The following MYMK variants were observed in gnomAD, a reference collection of about 807,000 sequenced individuals.
MYMK encodes the protein myomaker, myoblast fusion factor.
Under a neutral mutation model 22.4 loss-of-function variants are expected in MYMK, and 16 were observed. The observed-to-expected ratio is 0.72, with a 90% CI of 0.48 to 1.09. The LOEUF is 1.09. MYMK is among the 50% of genes least tolerant of loss of function. The pLI, the probability that MYMK is intolerant of heterozygous loss-of-function variation, is 0.00. For missense variants in MYMK, 250 were observed against 295.6 expected (o/e 0.85, Z 1.13); for synonymous variants, 125 against 127.0 (o/e 0.98, Z 0.11).
At position 133,515,114 on chromosome 9, in the gene MYMK, T is replaced by C. The variant is rs1844616030; in HGVS notation, c.517-329A>G. On this transcript the variant is annotated intron_variant, in intron 4 of 4. Transcript: ENST00000339996. This position sits in a 1 kb window ranked among gnomAD's most constrained non-coding sequence, Gnocchi z 5.8. The stretch of plus-strand genomic sequence containing the variant: ...TCTCTCCTTATCCCTCTTCCCCTGT[T>C]CCTCCCTCCCTCCTCCACTTTCTCC... Among the ~76,000 whole-genome samples, 1 of 149,526 alleles carries C rather than the reference T, an allele frequency of 6.7e-6. No homozygotes were observed. The highest frequency in any genetic ancestry group is 2.0e-4 in the East Asian group (1 of 5,084).
At chr9:133,523,080 T>C (rs752023496) in intron 1 of MYMK, among the ~76,000 whole-genome samples, 2 of 152,200 alleles carry the variant, frequency 1.3e-5, no homozygotes, top group Non-Finnish European at 2.9e-5. Flanking sequence ...GGACCCAGCC[T>C]GTCCCAGGCC....
rs751740216 is a variant in MYMK, at chr9:133,520,247, G to A, written c.177C>T (p.Cys59=). 6.2e-7 allele frequency: 1 copy of A among 1,614,148 alleles called. No homozygotes were observed. Among genetic ancestry groups the A allele is most frequent in the South Asian group, 1.1e-5 (1 of 91,084 alleles). ...ACTCCAGGATGTCGTGACGCATGAA[G>A]CACAGCACAGACAAGCCGGGTCCAT... ...ACNGPGLSVL[C]FMRHDILEYF... Residue 59 remains cysteine (C), a synonymous_variant, in exon 2 of 5, where the codon TGC becomes TGT. Transcript: ENST00000339996.
At chr9:133,518,055 GCAGGCCT>G (rs1451958422) in intron 3 of MYMK, among the ~76,000 whole-genome samples, 1 of 152,256 alleles carries the variant, frequency 6.6e-6, no homozygotes, top group African/African-American at 2.4e-5. Context: ...CTGGGCTGCT[GCAGGCCT>G]GGAGAGCAGG....
intron 1 of MYMK, among the ~76,000 whole-genome samples, chr9:133,520,749 G>A (rs1258424974): frequency 6.6e-6 from 1 of 151,938 alleles, no homozygotes; most frequent in Non-Finnish European, 1.5e-5. Flanking sequence ...GCCTCTCTGG[G>A]GGCTCCTTTG....
At position 133,519,086 on chromosome 9, in the gene MYMK, C is replaced by G. The variant is rs868473230; in HGVS notation, c.251-64G>C. ...CTCTCTTGCTCCTCCTGGCTACCCC[C>G]CCACCCCCCAGCCCCCAGGAGGCAT... On this transcript the variant is annotated intron_variant, in intron 2 of 4. Coordinates refer to ENST00000339996, the MANE Select transcript of MYMK (RefSeq NM_001080483.3). The G allele has an allele frequency of 4.4e-6, 7 of 1,596,656 alleles. No homozygotes were observed. In the Middle Eastern group the frequency reaches 1.0e-3, roughly 232 times the overall value.
At chr9:133,522,343 CG>C (rs35248143) in intron 1 of MYMK, among the ~76,000 whole-genome samples, 18 of 140,080 alleles carry the variant, frequency 1.3e-4, no homozygotes, top group African/African-American at 2.5e-4. Flanking sequence ...GAGTGGCTGT[CG>C]GGGGGGGGCC....
At chr9:133,517,266 C>T (rs1316807801) in intron 3 of MYMK, among the ~76,000 whole-genome samples, 1 of 152,204 alleles carries the variant, frequency 6.6e-6, no homozygotes, top group Non-Finnish European at 1.5e-5. Context: ...CCCAGCGCTC[C>T]CTCTCTCCCC....
intron 1 of MYMK, among the ~76,000 whole-genome samples, chr9:133,523,701 GAGAGAGAGAGAGAGAGAGAC>G (rs757285211): frequency 0.014 from 1,995 of 141,244 alleles, 20 homozygotes; most frequent in Non-Finnish European, 0.021. Context: ...GAGAGAGAGA[GAGAGAGAGAGAGAGAGAGAC>G]AAGCTGGAGA....
chr9:133,519,067 T>C, intron 2 of MYMK, 45 bp from the exon 3 acceptor site: 1 of 1,609,446 alleles, frequency 6.2e-7, no homozygotes, highest in Non-Finnish European at 8.5e-7. Flanking sequence ...TGGTCTCTCT[T>C]GCTCCTCCTG....
At chr9:133,520,391 C>T (rs1844688991) in intron 1 of MYMK, 103 bp from the exon 2 acceptor site, 1 of 845,274 alleles carries the variant, frequency 1.2e-6, no homozygotes, top group African/African-American at 1.7e-5. Flanking sequence ...TGAGAAGTCA[C>T]TTTGGCGAGT....
chr9:133,514,791 G>A lies in MYMK; in HGVS notation c.517-6C>T. 8 of 1,612,714 alleles carry A rather than the reference G, an allele frequency of 5.0e-6. No homozygotes were observed. Among genetic ancestry groups the A allele is most frequent in the Non-Finnish European group, 5.1e-6 (6 of 1,179,126 alleles). ...ACATAAGTGTAGTCCCAGTCCTGCG[G>A]GGGGCAAGCGGTCAGTCTGGGGCCT... On this transcript the variant is annotated splice_region_variant and splice_polypyrimidine_tract_variant and intron_variant, in intron 4 of 4. Transcript: ENST00000339996.
chr9:133,516,227 G>A (rs776593349), intron 3 of MYMK, among the ~76,000 whole-genome samples: 1 of 152,232 alleles, frequency 6.6e-6, no homozygotes, highest in African/African-American at 2.4e-5. Flanking sequence ...CCCTGGAGCC[G>A]GCCTTGTGTT....
intron 3 of MYMK, among the ~76,000 whole-genome samples, chr9:133,518,653 G>C (rs1391906014): frequency 6.6e-6 from 1 of 152,164 alleles, no homozygotes; most frequent in Non-Finnish European, 1.5e-5. Context: ...GGGTAACTTG[G>C]GCTCAGTCTG....
At chr9:133,519,046 G>C (rs1293618671) in intron 2 of MYMK, 24 bp from the exon 3 acceptor site, 4 of 1,612,832 alleles carry the variant, frequency 2.5e-6, no homozygotes, top group East Asian at 2.2e-5. Context: ...GGAGACACAG[G>C]GGGAGGTGAG....
chr9:133,522,663 T>C (rs559824548), intron 1 of MYMK, among the ~76,000 whole-genome samples: 1 of 152,304 alleles, frequency 6.6e-6, no homozygotes, highest in Non-Finnish European at 1.5e-5. Context: ...TGTGGTTTGC[T>C]GGGCTAGGTC....
In MYMK at chr9:133,515,599, C is replaced by T. The variant is rs148628706; in HGVS notation, c.408G>A (p.Lys136=). 1.9e-6 allele frequency: 3 copies of T among 1,611,470 alleles called. No individual in the cohort carries two copies. The highest frequency in any genetic ancestry group is 2.5e-6 in the Non-Finnish European group (3 of 1,177,702). Residue 136 remains lysine (K), a synonymous_variant, in exon 4 of 5, where the codon AAG becomes AAA. Coordinates refer to ENST00000339996, the MANE Select transcript of MYMK (RefSeq NM_001080483.3). This position sits in a 1 kb window ranked among gnomAD's most constrained non-coding sequence, Gnocchi z 5.8. The stretch of plus-strand genomic sequence containing the variant: ...GGTACAGGCCCTTCTTCTCCTTCAT[C>T]TTCTGTAGCTGTGAGGACAGGAGGC... ...ILIIAAKWLQ[K]MKEKKGLYPD...
chr9:133,515,619 G>A lies in MYMK; in HGVS notation c.400-12C>T. On this transcript the variant is annotated splice_polypyrimidine_tract_variant and intron_variant, in intron 3 of 4. Transcript: ENST00000339996. This position sits in a 1 kb window ranked among gnomAD's most constrained non-coding sequence, Gnocchi z 5.8. ...TTCATCTTCTGTAGCTGTGAGGACA[G>A]GAGGCCACAGCAAAGCTTTTAGGTC... 6.4e-7 allele frequency: 1 copy of A among 1,571,688 alleles called. No individual in the cohort carries two copies.
At chr9:133,521,359 C>T (rs900727630) in intron 1 of MYMK, among the ~76,000 whole-genome samples, 1 of 152,140 alleles carries the variant, frequency 6.6e-6, no homozygotes, top group South Asian at 2.1e-4. Context: ...GAGGAGCAGG[C>T]GTGCTGGAAA....
At chr9:133,522,441 G>T (rs1161587696) in intron 1 of MYMK, among the ~76,000 whole-genome samples, 1 of 152,218 alleles carries the variant, frequency 6.6e-6, no homozygotes, top group Non-Finnish European at 1.5e-5. Flanking sequence ...AGATTGTCAC[G>T]GGAGGGGCCT....
Sources: gnomAD v4.1 joint callset for allele counts (sites outside exome capture counted in the v4.1 genomes callset) on GRCh38, gnomAD v4.1.1 for gene constraint, Gnocchi (gnomAD v3.1) non-coding constraint, MANE v1.5 for transcripts, NCBI Gene and HGNC (gene_info 2026-07-23, HGNC 2026-07-21) for gene names.